Variants in BCOR observed in about 807,000 individuals in gnomAD.
The protein encoded by BCOR is BCL-6 corepressor.
A neutral mutation model predicts 86.7 loss-of-function variants in BCOR; 10 were observed. The observed-to-expected ratio is 0.12, with a 90% CI of 0.07 to 0.20. The LOEUF (loss-of-function observed/expected upper bound fraction) is 0.20. Among genes scored for constraint, BCOR ranks in the 10% least tolerant of loss-of-function variants. The pLI is 1.00. For synonymous variants in BCOR, 611 were observed against 609.0 expected (o/e 1.00, Z -0.05); for missense variants, 1,259 against 1,452.1 (o/e 0.87, Z 2.16).
chrX:40,156,121 C>T lies in BCOR; in HGVS notation c.-41+20886G>A, dbSNP rs943114845. Among the ~76,000 whole-genome samples, 7 of 113,254 alleles carry T rather than the reference C, an allele frequency of 6.2e-5. No homozygotes were observed. The Admixed American group carries it at 6.5e-4, about 10-fold the overall frequency. On this transcript the variant is annotated intron_variant, in intron 1 of 14. Coordinates refer to the BCOR transcript ENST00000342274. ...ATCCCCTCCCCCTCCTCCGAGAAAC[C>T]GTGGCTGGCAGGAAATTAATATTTA...
rs1934291726 is a variant in BCOR, at chrX:40,051,292, T to C, written c.*817A>G. ...ACAGTTTTATTGCCTTTTAAGAAAA[T>C]TTTTGTAAAATATAAATACAAAGGC... On this transcript the variant is annotated 3_prime_UTR_variant, in exon 15 of 15. Coordinates refer to ENST00000378444, the MANE Select transcript of BCOR (RefSeq NM_001123385.2). 6.0e-6 allele frequency: 1 copy of C among 166,820 alleles called. No homozygotes were observed. The highest frequency in any genetic ancestry group is 3.0e-5 in the African/African-American group (1 of 33,643). 13.7% of individuals were successfully genotyped at this position (166,820 alleles called of 1,213,427 possible). A position where few individuals can be genotyped will look rare whatever the true frequency, so the allele number is the denominator to read the frequency against.
At chrX:40,093,571 A>C (rs1260774443) in intron 1 of BCOR, among the ~76,000 whole-genome samples, 2 of 112,371 alleles carry the variant, frequency 1.8e-5, no homozygotes, top group African/African-American at 6.5e-5. Context: ...CAAACGATGG[A>C]TCTCACAACA....
chrX:40,147,048 T>A (rs1173758645), intron 1 of BCOR, among the ~76,000 whole-genome samples: 1 of 110,688 alleles, frequency 9.0e-6, no homozygotes, highest in Non-Finnish European at 1.9e-5. Context: ...TGTTTGTAGG[T>A]CCCCGCTGGC....
intron 1 of BCOR, among the ~76,000 whole-genome samples, chrX:40,154,572 T>A (rs1292660050): frequency 2.8e-5 from 3 of 105,424 alleles, no homozygotes; most frequent in Admixed American, 9.9e-5. Flanking sequence ...CACCTCGGCT[T>A]TTCTCTACGT....
chrX:40,096,215 A>G (rs753777668), intron 1 of BCOR, among the ~76,000 whole-genome samples: 8 of 111,899 alleles, frequency 7.1e-5, no homozygotes, highest in African/African-American at 2.6e-4. Context: ...CTCCGGCCGC[A>G]GACTTTCACA....
chrX:40,158,241 G>A (rs1176089808), intron 1 of BCOR, among the ~76,000 whole-genome samples: 1 of 112,626 alleles, frequency 8.9e-6, no homozygotes, highest in African/African-American at 3.2e-5. Flanking sequence ...TAAAGGAGGA[G>A]CGGCTTCGCG....
At chrX:40,076,366 C>T (rs936697076) in intron 3 of BCOR, 88 bp downstream of exon 3, 7 of 791,554 alleles carry the variant, frequency 8.8e-6, no homozygotes, top group African/African-American at 2.1e-5. Flanking sequence ...CCCCATTCCC[C>T]ACCCTTTAAG....
intron 5 of BCOR, 126 bp from the exon 6 acceptor site, chrX:40,071,285 G>T: frequency 1.6e-6 from 1 of 640,850 alleles, no homozygotes; most frequent in Non-Finnish European, 2.4e-6. Context: ...CAGCTTATGA[G>T]ATGTAACTCA....
chrX:40,147,467 G>C, intron 1 of BCOR, among the ~76,000 whole-genome samples: 2 of 112,746 alleles, frequency 1.8e-5, no homozygotes, highest in Middle Eastern at 4.6e-3. Flanking sequence ...GGATGCGTCT[G>C]CCTAAGGCGA....
chrX:40,075,986 TCTTCGATGGGACAACAGGAA>T (rs1234114353), intron 3 of BCOR, among the ~76,000 whole-genome samples: 1 of 110,868 alleles, frequency 9.0e-6, no homozygotes, highest in African/African-American at 3.3e-5. Context: ...CAAGAAACGA[TCTTCGATGGGACAACAGGAA>T]CAGAGGACTT....
At chrX:40,083,570 G>C (rs760442403) in intron 1 of BCOR, among the ~76,000 whole-genome samples, 2 of 111,910 alleles carry the variant, frequency 1.8e-5, no homozygotes, top group Admixed American at 1.9e-4. Flanking sequence ...ACTTGGCCCC[G>C]GCGAAGAAGA....
chrX:40,153,826 C>T (rs1442443389), intron 1 of BCOR, among the ~76,000 whole-genome samples: 1 of 112,390 alleles, frequency 8.9e-6, no homozygotes, highest in Non-Finnish European at 1.9e-5. Context: ...GCAGCCAGTG[C>T]CTCTGCTCTG....
intron 1 of BCOR, among the ~76,000 whole-genome samples, chrX:40,078,877 G>A (rs1161945877): frequency 1.1e-5 from 1 of 90,637 alleles, no homozygotes; most frequent in Non-Finnish European, 2.0e-5. Flanking sequence ...ATTCTAGTTT[G>A]CTGCATGAGT....
At position 40,074,882 on chromosome X, in the gene BCOR, A is replaced by G; in HGVS notation, c.464T>C (p.Ile155Thr). 1.7e-6 allele frequency: 2 copies of G among 1,210,660 alleles called. No homozygotes were observed. The highest frequency in any genetic ancestry group is 2.2e-6 in the Non-Finnish European group (2 of 895,236). ...TGCTGTGGCTACAGCACTTTTTTGTATTCCAGGCGGTGTTTTGTATATAGC... is the reference window on the plus strand; with the variant it reads ...TGCTGTGGCTACAGCACTTTTTTGTGTTCCAGGCGGTGTTTTGTATATAGC... ...FSAIYKTPPG[I>T]QKSAVATAEA... The change falls in exon 4 of 15, where the codon ATA becomes ACA. Residue 155 changes from isoleucine to threonine, a missense_variant. Ile to Thr is a moderately conservative substitution (Grantham distance 89). Around this residue, in one of 7 missense-constraint regions of BCOR, gnomAD observed 174 missense variants for 189.3 expected, o/e 0.92. Coordinates refer to ENST00000378444, the MANE Select transcript of BCOR (RefSeq NM_001123385.2).
chrX:40,139,491 ATATATATTTTTTTTTTT>A, intron 1 of BCOR, among the ~76,000 whole-genome samples: 1 of 8,276 alleles, frequency 1.2e-4, no homozygotes, highest in African/African-American at 6.8e-4. Context: ...ATATATATAT[ATATATATTTTTTTTTTT>A]TTTTAAGCAT....
intron 1 of BCOR, among the ~76,000 whole-genome samples, chrX:40,135,742 C>T (rs1164965637): frequency 9.0e-6 from 1 of 111,512 alleles, no homozygotes; most frequent in Non-Finnish European, 1.9e-5. Context: ...CCCATCTTCC[C>T]AGGTTTCCTG....
chrX:40,083,312 C>A (rs1936194691), intron 1 of BCOR, among the ~76,000 whole-genome samples: 1 of 110,936 alleles, frequency 9.0e-6, no homozygotes, highest in Admixed American at 9.4e-5. Flanking sequence ...CCGACCCCCT[C>A]CCCCGAGAGA....
chrX:40,107,801 C>T (rs1253223747), intron 1 of BCOR, among the ~76,000 whole-genome samples: 1 of 113,200 alleles, frequency 8.8e-6, no homozygotes, highest in Non-Finnish European at 1.9e-5. Context: ...GTGGCGGCGC[C>T]CCTCCTCCTC....
Position 40,061,265 on chromosome X carries a change from C to T in BCOR, c.4428+874G>A, listed in dbSNP as rs554745897. Among the ~76,000 whole-genome samples, 7 of 111,808 alleles carry T rather than the reference C, an allele frequency of 6.3e-5. No homozygotes were observed. In the South Asian group the frequency reaches 2.6e-3, roughly 42 times the overall value. ...TGGTGGGGAGACGCACAGGGGCAGA[C>T]GTAGGTTTTGAACTGTGAAAAGCGT... On this transcript the variant is annotated intron_variant, in intron 10 of 14. Transcript: ENST00000378444.
Sources: allele counts gnomAD v4.1 joint callset (sites outside exome capture counted in the v4.1 genomes callset), GRCh38; gene constraint gnomAD v4.1.1; regional missense constraint gnomAD v4.1.1; transcripts MANE v1.5; gene names NCBI Gene and HGNC (gene_info 2026-07-23, HGNC 2026-07-21).